FNDC3A: variants seen among roughly 807,000 people sequenced by gnomAD.
FNDC3A encodes the protein fibronectin type-III domain-containing protein 3A.
In FNDC3A, 32 loss-of-function variants were observed where a neutral mutation model predicts 148.9. The ratio of observed to expected loss-of-function variants is 0.21; its 90% CI spans 0.16 to 0.29. The LOEUF is 0.29. Ranked by LOEUF, FNDC3A falls within the 10% of genes least tolerant of loss-of-function variation. FNDC3A has a pLI of 1.00. For missense variants in FNDC3A, 1,191 were observed against 1,452.8 expected (o/e 0.82, Z 2.93); for synonymous variants, 472 against 473.6 (o/e 1.00, Z 0.04).
chr13:49,034,833 A>G (rs568486211), intron 2 of FNDC3A, among the ~76,000 whole-genome samples: 4 of 152,158 alleles, frequency 2.6e-5, no homozygotes, highest in African/African-American at 7.2e-5. Flanking sequence ...GTGAATTCAT[A>G]TTTTAAACTC....
At chr13:49,073,545 C>G (rs932195292) in intron 2 of FNDC3A, among the ~76,000 whole-genome samples, 2 of 151,662 alleles carry the variant, frequency 1.3e-5, no homozygotes, top group Non-Finnish European at 2.9e-5. Context: ...AATCAAAACA[C>G]AGTCAATAAT....
intron 1 of FNDC3A, among the ~76,000 whole-genome samples, chr13:48,990,838 A>C (rs912587965): frequency 6.6e-6 from 1 of 152,182 alleles, no homozygotes; most frequent in African/African-American, 2.4e-5. Flanking sequence ...GAGAAATTGC[A>C]GATTTATTGT....
At chr13:49,187,245 C>A in intron 16 of FNDC3A, 55 bp downstream of exon 16, 1 of 1,213,198 alleles carries the variant, frequency 8.2e-7, no homozygotes, top group Non-Finnish European at 1.2e-6. Context: ...TCTTTCTATT[C>A]TTTATGGCTT....
intron 14 of FNDC3A, among the ~76,000 whole-genome samples, chr13:49,179,654 A>G (rs1393395345): frequency 6.6e-6 from 1 of 152,218 alleles, no homozygotes; most frequent in Non-Finnish European, 1.5e-5. Flanking sequence ...GTATGTACTC[A>G]TGGAAGTCTG....
intron 2 of FNDC3A, among the ~76,000 whole-genome samples, chr13:49,066,612 A>G (rs1877280029): frequency 6.6e-6 from 1 of 152,226 alleles, no homozygotes; most frequent in East Asian, 1.9e-4. Flanking sequence ...AAAGTTACAA[A>G]TAGCTATTAA....
At chr13:49,188,395 T>C (rs558027705) in intron 16 of FNDC3A, 120 bp from the exon 17 acceptor site, 18 of 668,028 alleles carry the variant, frequency 2.7e-5, no homozygotes, top group Admixed American at 1.5e-4. Context: ...CAAACCTAAA[T>C]TGTTTCTGAC....
At chr13:49,032,271 G>A (rs1256664972) in intron 2 of FNDC3A, among the ~76,000 whole-genome samples, 1 of 150,346 alleles carries the variant, frequency 6.7e-6, no homozygotes, top group Non-Finnish European at 1.5e-5. Context: ...CTATGACCCA[G>A]TAATTTCACT....
intron 5 of FNDC3A, among the ~76,000 whole-genome samples, chr13:49,134,911 T>C (rs1882262803): frequency 1.6e-5 from 2 of 128,100 alleles, no homozygotes; most frequent in Non-Finnish European, 3.2e-5. Context: ...TGCAGTGGCA[T>C]GATCTCGGCT....
chr13:49,045,981 A>G (rs1875373735), intron 2 of FNDC3A: 2 of 178,568 alleles, frequency 1.1e-5, no homozygotes, highest in African/African-American at 2.4e-5. Context: ...AAATTTTATC[A>G]TAATTGTTGT....
chr13:49,061,289 CTTTTCCA>C (rs924896588), intron 2 of FNDC3A, among the ~76,000 whole-genome samples: 4 of 149,250 alleles, frequency 2.7e-5, no homozygotes, highest in South Asian at 2.2e-4. Flanking sequence ...CTTTTCTTTC[CTTTTCCA>C]TTTTCCATTT....
At chr13:49,033,589 T>A (rs1333869021) in intron 2 of FNDC3A, among the ~76,000 whole-genome samples, 1 of 152,066 alleles carries the variant, frequency 6.6e-6, no homozygotes, top group African/African-American at 2.4e-5. Flanking sequence ...GAGAAGAAGC[T>A]GTTGAATCTT....
chr13:49,136,578 C>T lies in FNDC3A; in HGVS notation c.737C>T (p.Thr246Ile). Reference protein sequence around the residue: ...KIKSGKGKGGTQVDTEIEEKD... With the variant: ...KIKSGKGKGGIQVDTEIEEKD... ...AAGTCTGGGAAGGGGAAAGGTGGTA[C>T]ACAAGTTGATACAGAAATTGAAGGT... The change falls in exon 6 of 26, where the codon ACA becomes ATA. Residue 246 changes from threonine (T) to isoleucine (I), a missense_variant. Thr to Ile is a moderately conservative substitution (Grantham distance 89, BLOSUM62 -1). Transcript: ENST00000492622. The T allele has an allele frequency of 6.2e-7, 1 of 1,613,260 alleles. No homozygotes were observed. Among genetic ancestry groups the T allele is most frequent in the South Asian group, 1.1e-5 (1 of 91,060 alleles).
intron 4 of FNDC3A, among the ~76,000 whole-genome samples, chr13:49,115,379 C>T (rs186090735): frequency 1.7e-3 from 260 of 152,306 alleles, no homozygotes; most frequent in African/African-American, 6.1e-3. Flanking sequence ...TTGCCTCAAT[C>T]TATTTTGGGA....
At chr13:48,996,158 G>C (rs971408022) in intron 1 of FNDC3A, among the ~76,000 whole-genome samples, 4 of 152,038 alleles carry the variant, frequency 2.6e-5, no homozygotes, top group Admixed American at 6.5e-5. Flanking sequence ...TCAAAATTTT[G>C]ATGGTGGTAT....
At chr13:49,014,429 A>G (rs1312367370) in intron 2 of FNDC3A, among the ~76,000 whole-genome samples, 17 of 112,274 alleles carry the variant, frequency 1.5e-4, no homozygotes, top group African/African-American at 5.8e-4. Context: ...TCCTTCACCC[A>G]CTTTTTGATG....
At chr13:49,091,669 C>T (rs1439211370) in intron 3 of FNDC3A, among the ~76,000 whole-genome samples, 3 of 152,146 alleles carry the variant, frequency 2.0e-5, no homozygotes, top group African/African-American at 7.2e-5. Flanking sequence ...TGAACCAGGC[C>T]CTATCTTCTC....
chr13:49,124,290 A>G (rs1881552744), intron 4 of FNDC3A, among the ~76,000 whole-genome samples: 1 of 152,140 alleles, frequency 6.6e-6, no homozygotes, highest in Admixed American at 6.5e-5. Context: ...GAGTTGAACA[A>G]TGAGAACACA....
intron 3 of FNDC3A, among the ~76,000 whole-genome samples, chr13:49,105,371 G>A (rs1880108762): frequency 6.6e-6 from 1 of 152,158 alleles, no homozygotes; most frequent in Non-Finnish European, 1.5e-5. Flanking sequence ...TTGCACATGT[G>A]AGCTGAGAGA....
At chr13:49,073,814 T>C (rs1877901195) in intron 2 of FNDC3A, among the ~76,000 whole-genome samples, 1 of 147,220 alleles carries the variant, frequency 6.8e-6, no homozygotes, top group Non-Finnish European at 1.5e-5. Flanking sequence ...ATATATTATA[T>C]ATGTGTATAT....
Sources: allele counts gnomAD v4.1 joint callset (sites outside exome capture counted in the v4.1 genomes callset), GRCh38; gene constraint gnomAD v4.1.1; transcripts MANE v1.5; gene names NCBI Gene and HGNC (gene_info 2026-07-23, HGNC 2026-07-21).